The following ZNF710 variants were observed in gnomAD, a reference collection of about 807,000 sequenced individuals.
The protein encoded by ZNF710 is zinc finger protein 710.
ZNF710 carries 13 observed loss-of-function variants against 50.6 expected under a neutral mutation model. That is an observed-to-expected ratio of 0.26 (90% CI 0.17 to 0.41). ZNF710 has a LOEUF of 0.41. ZNF710 is among the 10% of genes least tolerant of loss of function. The pLI is 1.00. For missense variants in ZNF710, 721 were observed against 936.6 expected (o/e 0.77, Z 3.01); for synonymous variants, 383 against 397.0 (o/e 0.96, Z 0.42).
chr15:90,019,952 G>T (rs897773258), intron 1 of ZNF710, among the ~76,000 whole-genome samples: 2 of 152,226 alleles, frequency 1.3e-5, no homozygotes, highest in Admixed American at 1.3e-4. Context: ...GGTGCTTATT[G>T]GGGGGCGGTG....
intron 4 of ZNF710, chr15:90,074,673 A>C (rs1227525006): frequency 1.7e-5 from 7 of 410,872 alleles, no homozygotes; most frequent in Non-Finnish European, 3.0e-5. Context: ...AGATGACAAC[A>C]CAGCAGGAGG....
Position 90,004,396 on chromosome 15 carries a change from G to T in ZNF710, c.-29+2782G>T, listed in dbSNP as rs550784067. ...GGAGACAAGTGAAGTCAGCTCCCTG[G>T]CCCCACCAGTGCTGATGCTTGGCGC... On this transcript the variant is annotated intron_variant, in intron 1 of 4. Transcript: ENST00000268154. Among the ~76,000 whole-genome samples the T allele has an allele frequency of 2.6e-5, 4 of 152,302 alleles. No homozygotes were observed. The East Asian group carries it at 7.7e-4, about 29-fold the overall frequency.
intron 1 of ZNF710, among the ~76,000 whole-genome samples, chr15:90,061,043 T>C (rs1450447563): frequency 2.6e-5 from 4 of 152,222 alleles, no homozygotes; most frequent in Non-Finnish European, 5.9e-5. Flanking sequence ...CAGGAAATAG[T>C]CATCAAATTA....
rs1031379894 is a variant in ZNF710 at position 90,062,178 on chromosome 15, C to G, written c.-28-4932C>G. On this transcript the variant is annotated intron_variant, in intron 1 of 4. Coordinates refer to ENST00000268154, the MANE Select transcript of ZNF710 (RefSeq NM_198526.4). The surrounding 1 kb of genome is among the most constrained non-coding windows in gnomAD (Gnocchi z 5.6). ...CCCCCTCACTCAGGCTCCTCCTCTGCCCCCCCTTCCCTGTCTCTTCATTTC... is the reference window on the plus strand; with the variant it reads ...CCCCCTCACTCAGGCTCCTCCTCTGGCCCCCCTTCCCTGTCTCTTCATTTC... Among the ~76,000 whole-genome samples, 1 of 148,490 alleles carries G rather than the reference C, an allele frequency of 6.7e-6. No homozygotes were observed. Among genetic ancestry groups the G allele is most frequent in the African/African-American group, 2.5e-5 (1 of 40,482 alleles).
upstream of ZNF710, among the ~76,000 whole-genome samples, chr15:90,000,917 C>T (rs566113385): frequency 2.6e-5 from 4 of 152,218 alleles, no homozygotes; most frequent in African/African-American, 9.6e-5. Flanking sequence ...GCCGGGCCCC[C>T]CATTTCCAAG....
intron 1 of ZNF710, among the ~76,000 whole-genome samples, chr15:90,049,316 T>C (rs1899565257): frequency 6.6e-6 from 1 of 152,168 alleles, no homozygotes; most frequent in Admixed American, 6.5e-5. Flanking sequence ...AGGCCAATTC[T>C]AGAGCTTCCA....
intron 1 of ZNF710, among the ~76,000 whole-genome samples, chr15:90,063,969 C>T (rs1183899052): frequency 2.0e-5 from 3 of 152,196 alleles, no homozygotes; most frequent in African/African-American, 7.2e-5. Flanking sequence ...TGATGTCACA[C>T]GGCTAGTAGA....
intron 3 of ZNF710, 34 bp from the exon 4 acceptor site, chr15:90,074,082 C>G (rs1464189140): frequency 6.3e-7 from 1 of 1,582,552 alleles, no homozygotes; most frequent in Non-Finnish European, 8.6e-7. Context: ...GCAGGTTCCC[C>G]ACAGGCTCAG....
intron 1 of ZNF710, among the ~76,000 whole-genome samples, chr15:90,048,902 G>A (rs568951011): frequency 2.8e-4 from 43 of 152,298 alleles, no homozygotes; most frequent in African/African-American, 9.4e-4. Context: ...AGGGGCTCCC[G>A]TGTGGACCAA....
Position 90,043,810 on chromosome 15 carries a change from C to T in ZNF710, c.-28-23300C>T, listed in dbSNP as rs76438894. Among the ~76,000 whole-genome samples, 69 of 152,282 alleles carry T rather than the reference C, an allele frequency of 4.5e-4. 1 individual carries two copies. In the East Asian group the frequency reaches 0.012, roughly 27 times the overall value. On this transcript the variant is annotated intron_variant, in intron 1 of 4. Coordinates refer to ENST00000268154, the MANE Select transcript of ZNF710 (RefSeq NM_198526.4). ...GCCCTTTGTGTCTCTGCCTTCCTTCCCTTCACTTTTGCCTTTCATTCTGAG... is the reference window on the plus strand; with the variant it reads ...GCCCTTTGTGTCTCTGCCTTCCTTCTCTTCACTTTTGCCTTTCATTCTGAG...
At chr15:90,076,077 T>G (rs1485890227) in intron 4 of ZNF710, 1 of 152,198 alleles carries the variant, frequency 6.6e-6, no homozygotes, top group African/African-American at 2.4e-5. Context: ...AGACGCTGCC[T>G]TTCCCACAAG....
At chr15:90,026,777 G>T (rs964604699) in intron 1 of ZNF710, among the ~76,000 whole-genome samples, 2 of 152,050 alleles carry the variant, frequency 1.3e-5, no homozygotes, top group Non-Finnish European at 2.9e-5. Context: ...AAGTAAAACC[G>T]TATTGTTTCC....
rs71151550 is a variant in ZNF710 at position 90,057,690 on chromosome 15, A to AAATAATAATAATAATAATAATAATAAT, written c.-28-9410_-28-9384dup. The stretch of plus-strand genomic sequence containing the variant: ...CCAGCCTGGGTTACAGAGCAAGACT[A>AAATAATAATAATAATAATAATAATAAT]AATAATAATAATAATAATAATAATA... On this transcript the variant is annotated intron_variant, in intron 1 of 4. Transcript: ENST00000268154. 2.1e-4 allele frequency among the ~76,000 whole-genome samples: 29 copies of AAATAATAATAATAATAATAATAATAAT among 139,512 alleles called. 1 individual carries two copies. The highest frequency in any genetic ancestry group is 6.4e-4 in the East Asian group (3 of 4,692). The allele number at this position is 139,512 out of a possible 152,430, so 91.5% of individuals were successfully genotyped here.
At position 90,002,443 on chromosome 15, in the gene ZNF710, C is replaced by T. The variant is rs912630505; in HGVS notation, c.-29+829C>T. The T allele has an allele frequency of 2.0e-5, 3 of 152,418 alleles. No homozygotes were observed. In the East Asian group the frequency reaches 5.8e-4, roughly 29 times the overall value. 9.4% of individuals were successfully genotyped at this position (152,418 alleles called of 1,614,324 possible). A position where few individuals can be genotyped will look rare whatever the true frequency, so the allele number is the denominator to read the frequency against. On this transcript the variant is annotated intron_variant, in intron 1 of 4. Transcript: ENST00000268154. ...CGTCTTGAGCCTCCCGCGGCTCAGC[C>T]CCCCTTCCTCCTCGTCGCCCTCTCT...
Position 90,067,647 on chromosome 15 carries a change from G to C in ZNF710, c.510G>C (p.Thr170=). ...DLSAFSRKPR[T]LRHLPRTPRP... is the part of the protein sequence containing the mutation. ...GCGCCTTCAGCCGCAAGCCCCGGAC[G>C]CTCCGGCATCTGCCCCGAACCCCGA... Residue 170 remains threonine, a synonymous_variant, in exon 2 of 5, where the codon ACG becomes ACC. Transcript: ENST00000268154. This position sits in a 1 kb window ranked among gnomAD's most constrained non-coding sequence, Gnocchi z 8.1. The C allele has an allele frequency of 6.2e-7, 1 of 1,612,896 alleles. No homozygotes were observed. The highest frequency in any genetic ancestry group is 8.5e-7 in the Non-Finnish European group (1 of 1,179,576).
chr15:90,017,041 G>T (rs1658883877), intron 1 of ZNF710, among the ~76,000 whole-genome samples: 4 of 152,360 alleles, frequency 2.6e-5, no homozygotes, highest in Middle Eastern at 3.4e-3. Context: ...CTGGCCTCAG[G>T]TAGGTGCCAG....
At chr15:90,049,626 C>G (rs1019829448) in intron 1 of ZNF710, among the ~76,000 whole-genome samples, 1 of 152,198 alleles carries the variant, frequency 6.6e-6, no homozygotes, top group Non-Finnish European at 1.5e-5. Context: ...AGTTCCTGCT[C>G]TGGGCTGAGC....
intron 1 of ZNF710, among the ~76,000 whole-genome samples, chr15:90,005,091 T>G (rs184558453): frequency 6.6e-6 from 1 of 152,356 alleles, no homozygotes; most frequent in African/African-American, 2.4e-5. Flanking sequence ...ACCCAAGACC[T>G]GAACTGATTT....
intron 1 of ZNF710, among the ~76,000 whole-genome samples, chr15:90,014,890 A>ATTT (rs71151546): frequency 2.9e-5 from 4 of 136,742 alleles, no homozygotes; most frequent in Admixed American, 7.4e-5. Flanking sequence ...CATCAACTGA[A>ATTT]TTTTTTTTTT....
Sources: allele counts gnomAD v4.1 joint callset (sites outside exome capture counted in the v4.1 genomes callset), GRCh38; gene constraint gnomAD v4.1.1; non-coding constraint Gnocchi (gnomAD v3.1); transcripts MANE v1.5; gene names NCBI Gene and HGNC (gene_info 2026-07-23, HGNC 2026-07-21).